Variants in NLRP9 observed in about 807,000 individuals in gnomAD.
NLRP9 encodes the protein NLR family pyrin domain containing 9, also known as NACHT, LRR and PYD domains-containing protein 9.
A neutral mutation model predicts 83.1 loss-of-function variants in NLRP9; 88 were observed. That is an observed-to-expected ratio of 1.06 (90% CI 0.89 to 1.26). The LOEUF (loss-of-function observed/expected upper bound fraction) is 1.26. Among genes scored for constraint, NLRP9 ranks in the 50% most tolerant of loss-of-function variants. NLRP9 has a pLI of 0.00. For synonymous variants in NLRP9, 521 were observed against 447.6 expected, an observed-to-expected ratio of 1.16 and a Z score of -2.07; for missense variants, 1,308 against 1,179.3, an observed-to-expected ratio of 1.11 and a Z score of -1.60.
chr19:55,737,973 A>C lies in NLRP9; in HGVS notation c.280+122T>G, dbSNP rs779390172. 4.2e-6 allele frequency: 4 copies of C among 941,532 alleles called. No individual in the cohort carries two copies. The South Asian group carries it at 6.0e-5, about 14-fold the overall frequency. The allele number at this position is 941,532 out of a possible 1,614,324, so 58.3% of individuals were successfully genotyped here. On this transcript the variant is annotated intron_variant, in intron 1 of 8. Transcript: ENST00000332836. ...CTGGCCTGCAACTCTTCCTACCTTCAACTCTCACCTTGACCCACACACATT... is the reference window on the plus strand; with the variant it reads ...CTGGCCTGCAACTCTTCCTACCTTCCACTCTCACCTTGACCCACACACATT...
In NLRP9 at chr19:55,738,269, T is replaced by C; in HGVS notation, c.106A>G (p.Lys36Glu). ...CAGGGGATTGGCTTGAGTTCAAATT[T>C]CTCCAAAGGTTGTTTGAGGAGCTCC... ...FKELLKQPLEKFELKPIPWAE... is the reference protein window; with the variant it reads ...FKELLKQPLEEFELKPIPWAE... Residue 36 changes from lysine to glutamate, a missense_variant, in exon 1 of 9, where the codon AAA (lysine) becomes GAA (glutamate). Coordinates refer to ENST00000332836, the MANE Select transcript of NLRP9 (RefSeq NM_176820.4). 6.2e-7 allele frequency: 1 copy of C among 1,614,032 alleles called. No homozygotes were observed. The highest frequency in any genetic ancestry group is 8.5e-7 in the Non-Finnish European group (1 of 1,179,998).
At chr19:55,716,237 T>C (rs1347024032) in intron 5 of NLRP9, among the ~76,000 whole-genome samples, 1 of 151,616 alleles carries the variant, frequency 6.6e-6, no homozygotes, top group Admixed American at 6.6e-5. Context: ...ATATATGCAA[T>C]TTTTAAATTT....
chr19:55,736,258 G>A (rs1219173637), intron 1 of NLRP9, among the ~76,000 whole-genome samples: 1 of 151,916 alleles, frequency 6.6e-6, no homozygotes, highest in Non-Finnish European at 1.5e-5. Context: ...GGGCGTGGTG[G>A]CAGGCGCCTG....
chr19:55,717,488 T>C (rs994931496), intron 4 of NLRP9, among the ~76,000 whole-genome samples: 1 of 152,182 alleles, frequency 6.6e-6, no homozygotes, highest in Admixed American at 6.6e-5. Context: ...TCTGCATATA[T>C]TATTGGCTGT....
chr19:55,730,455 GAA>G (rs748459490), intron 2 of NLRP9, among the ~76,000 whole-genome samples: 2 of 115,376 alleles, frequency 1.7e-5, no homozygotes, highest in African/African-American at 3.1e-5. Context: ...CCTGCCTCAA[GAA>G]AAAAAAAAAA....
chr19:55,710,431 G>A (rs567522004), intron 8 of NLRP9, among the ~76,000 whole-genome samples: 2 of 152,094 alleles, frequency 1.3e-5, no homozygotes, highest in African/African-American at 2.4e-5. Flanking sequence ...CTAGACATTC[G>A]TGATATGGTT....
chr19:55,736,083 T>G (rs1024595669), intron 1 of NLRP9, among the ~76,000 whole-genome samples: 2 of 152,214 alleles, frequency 1.3e-5, no homozygotes, highest in South Asian at 4.2e-4. Context: ...AAGGTTTTTT[T>G]TTGAGACAAA....
chr19:55,725,736 G>C (rs937946503), intron 3 of NLRP9, among the ~76,000 whole-genome samples: 2 of 152,108 alleles, frequency 1.3e-5, no homozygotes, highest in Non-Finnish European at 1.5e-5. Flanking sequence ...CATGAAAACA[G>C]GGAACCCAGG....
chr19:55,711,767 T>C (rs1160257501), intron 8 of NLRP9, 33 bp downstream of exon 8: 1 of 1,603,102 alleles, frequency 6.2e-7, no homozygotes. Flanking sequence ...CGTTCTGAAG[T>C]CACTCACCCC....
rs190715001 is a variant in NLRP9, at chr19:55,725,393, G to A, written c.1995-1249C>T. Among the ~76,000 whole-genome samples, 1,497 of 152,266 alleles carry A rather than the reference G, an allele frequency of 9.8e-3. 13 individuals carry two copies. Among genetic ancestry groups the A allele is most frequent in the Non-Finnish European group, 0.014 (953 of 68,024 alleles). Reference sequence around the variant, plus strand: ...TGTGACTCCTGGCGTTACAGCAGATGAGCGCACCCTGATTTCTCTCCTAGT... The same window carrying A: ...TGTGACTCCTGGCGTTACAGCAGATAAGCGCACCCTGATTTCTCTCCTAGT... On this transcript the variant is annotated intron_variant, in intron 3 of 8. Coordinates refer to ENST00000332836, the MANE Select transcript of NLRP9 (RefSeq NM_176820.4).
chr19:55,735,140 C>T (rs898052926), intron 1 of NLRP9, among the ~76,000 whole-genome samples: 5 of 152,218 alleles, frequency 3.3e-5, no homozygotes, highest in African/African-American at 9.6e-5. Context: ...GGTCTGTGCT[C>T]TCCTTGCACA....
chr19:55,713,312 A>AGATAGAG (rs905010605), intron 6 of NLRP9, among the ~76,000 whole-genome samples: 5 of 151,908 alleles, frequency 3.3e-5, no homozygotes, highest in Admixed American at 6.6e-5. Context: ...GAAAAATGGT[A>AGATAGAG]GATAGAGGAC....
intron 1 of NLRP9, among the ~76,000 whole-genome samples, 170 bp from the exon 2 acceptor site, chr19:55,733,720 G>T (rs990908258): frequency 6.6e-6 from 1 of 152,080 alleles, no homozygotes; most frequent in Admixed American, 6.6e-5. Flanking sequence ...GGAAGTGGGG[G>T]TCAGACATAC....
At chr19:55,733,908 T>C (rs1988688083) in intron 1 of NLRP9, among the ~76,000 whole-genome samples, 1 of 148,890 alleles carries the variant, frequency 6.7e-6, no homozygotes, top group Non-Finnish European at 1.5e-5. Context: ...ACTCAACCAG[T>C]TGTCAACCAA....
chr19:55,723,947 A>G (rs1283820942), intron 4 of NLRP9, 33 bp downstream of exon 4: 1 of 1,575,254 alleles, frequency 6.3e-7, no homozygotes, highest in Non-Finnish European at 8.6e-7. Flanking sequence ...CCTTGGAAAG[A>G]AACAGCACTC....
intron 2 of NLRP9, among the ~76,000 whole-genome samples, chr19:55,730,409 A>T (rs939826079): frequency 6.6e-6 from 1 of 151,822 alleles, no homozygotes; most frequent in Non-Finnish European, 1.5e-5. Flanking sequence ...AGCTATGATC[A>T]TGCCACTGCA....
rs199475846 is a variant in NLRP9, at chr19:55,738,355, G to A, written c.20C>T (p.Ser7Leu). ...CAGATACCACAACAAGCCAAAATCC[G>A]AAAAAAAAGATTCTGCCATATCGCC... is the stretch of plus-strand genomic sequence containing the variant. MAESFF[S>L]DFGLLWYLKE... Residue 7 changes from serine to leucine, a missense_variant, in exon 1 of 9, where the codon TCG becomes TTG. Physicochemically the swap from Ser to Leu is moderately radical, Grantham distance 145. Coordinates refer to ENST00000332836, the MANE Select transcript of NLRP9 (RefSeq NM_176820.4). 122 of 1,609,622 alleles carry A rather than the reference G, an allele frequency of 7.6e-5. 2 individuals are homozygous for A. In the South Asian group the frequency reaches 1.0e-3, roughly 13 times the overall value.
At chr19:55,722,640 T>A (rs1284239134) in intron 4 of NLRP9, among the ~76,000 whole-genome samples, 3 of 152,218 alleles carry the variant, frequency 2.0e-5, no homozygotes, top group Non-Finnish European at 2.9e-5. Flanking sequence ...ACTTCCTTTG[T>A]TCTCTTTGGA....
At chr19:55,710,354 G>T (rs865833891) in intron 8 of NLRP9, among the ~76,000 whole-genome samples, 1 of 152,104 alleles carries the variant, frequency 6.6e-6, no homozygotes, top group Non-Finnish European at 1.5e-5. Flanking sequence ...GGCCCTGCAG[G>T]GTACAAGGCC....
Sources: gnomAD v4.1 joint callset for allele counts (sites outside exome capture counted in the v4.1 genomes callset) on GRCh38, gnomAD v4.1.1 for gene constraint, MANE v1.5 for transcripts, NCBI Gene and HGNC (gene_info 2026-07-23, HGNC 2026-07-21) for gene names.